The following VOPP1 variants were observed in gnomAD, a reference collection of about 807,000 sequenced individuals.
VOPP1 encodes WW domain binding protein VOPP1.
VOPP1 carries 8 observed loss-of-function variants against 23.5 expected under a neutral mutation model. That is an observed-to-expected ratio of 0.34 (90% CI 0.20 to 0.61). VOPP1 has a LOEUF of 0.61. Ranked by LOEUF, VOPP1 falls within the 20% of genes least tolerant of loss-of-function variation. The pLI is 0.78. For synonymous variants in VOPP1, 83 were observed against 97.3 expected (o/e 0.85, Z 0.86); for missense variants, 174 against 238.1 (o/e 0.73, Z 1.77).
chr7:55,553,318 A>G (rs1797688238), intron 1 of VOPP1, among the ~76,000 whole-genome samples: 1 of 152,184 alleles, frequency 6.6e-6, no homozygotes, highest in South Asian at 2.1e-4. Context: ...CTACTTTTGC[A>G]GTACTTGGGA....
rs10669665 is a variant in VOPP1 at position 55,534,131 on chromosome 7, C to CTTT, written c.55-13004_55-13002dup. Among the ~76,000 whole-genome samples, 176 of 140,142 alleles carry CTTT rather than the reference C, an allele frequency of 1.3e-3. 6 individuals are homozygous for CTTT. The South Asian group carries it at 0.021, about 17-fold the overall frequency. 91.9% of individuals were successfully genotyped at this position (140,142 alleles called of 152,430 possible). A position where few individuals can be genotyped will look rare whatever the true frequency, so the allele number is the denominator to read the frequency against. ...CCGTGAAGGAAATCATTTCATGTAG[C>CTTT]TTTTTTTTTTTTTTTACGAGATGGA... On this transcript the variant is annotated intron_variant, in intron 1 of 4. Coordinates refer to ENST00000285279, the MANE Select transcript of VOPP1 (RefSeq NM_030796.5).
intron 1 of VOPP1, among the ~76,000 whole-genome samples, chr7:55,564,847 G>A (rs1032151004): frequency 1.3e-5 from 2 of 152,096 alleles, no homozygotes; most frequent in Admixed American, 6.6e-5. Flanking sequence ...TATGTCAGTG[G>A]GAGCTTAGGT....
intron 2 of VOPP1, among the ~76,000 whole-genome samples, chr7:55,502,523 G>A (rs981067488): frequency 2.0e-5 from 3 of 152,166 alleles, no homozygotes; most frequent in Non-Finnish European, 2.9e-5. Flanking sequence ...CCAGCTACTC[G>A]AAGGAGCACA....
chr7:55,524,418 T>C lies in VOPP1; in HGVS notation c.55-3288A>G, dbSNP rs139978089. Among the ~76,000 whole-genome samples, 8 of 152,354 alleles carry C rather than the reference T, an allele frequency of 5.3e-5. No homozygotes were observed. In the East Asian group the frequency reaches 1.5e-3, roughly 29 times the overall value. ...TTTTGTTGCTGCTGAAATTAGTGTG[T>C]TTGAAATTTGCTAATATCCTGGAAA... On this transcript the variant is annotated intron_variant, in intron 1 of 4. Transcript: ENST00000285279.
chr7:55,507,797 T>C (rs1351589293), intron 2 of VOPP1, among the ~76,000 whole-genome samples: 1 of 152,104 alleles, frequency 6.6e-6, no homozygotes, highest in Non-Finnish European at 1.5e-5. Context: ...TGTGGTCCCA[T>C]TTTGATGATG....
At chr7:55,546,678 T>C (rs1797378544) in intron 1 of VOPP1, among the ~76,000 whole-genome samples, 1 of 152,208 alleles carries the variant, frequency 6.6e-6, no homozygotes, top group Non-Finnish European at 1.5e-5. Context: ...TAAAAGTTGA[T>C]TTAAAAAATA....
At chr7:55,507,200 C>A (rs1172435565) in intron 2 of VOPP1, among the ~76,000 whole-genome samples, 1 of 152,200 alleles carries the variant, frequency 6.6e-6, no homozygotes, top group East Asian at 1.9e-4. Context: ...GCTCTCAGCA[C>A]AGGCTCACGT....
At chr7:55,524,210 G>T (rs1422651272) in intron 1 of VOPP1, among the ~76,000 whole-genome samples, 2 of 152,196 alleles carry the variant, frequency 1.3e-5, no homozygotes, top group African/African-American at 4.8e-5. Context: ...GGTTACCCTT[G>T]CTCAGTTACT....
chr7:55,534,521 A>G (rs948043355), intron 1 of VOPP1, among the ~76,000 whole-genome samples: 4 of 152,026 alleles, frequency 2.6e-5, no homozygotes, highest in African/African-American at 9.7e-5. Flanking sequence ...CTTTCCCCCA[A>G]CTGGGTTTCT....
intron 4 of VOPP1, among the ~76,000 whole-genome samples, chr7:55,475,371 C>T (rs759154390): frequency 2.5e-4 from 38 of 152,186 alleles, no homozygotes; most frequent in Admixed American, 5.9e-4. Flanking sequence ...ACAGGTTTGG[C>T]GGAGCGGTGG....
intron 1 of VOPP1, among the ~76,000 whole-genome samples, chr7:55,540,675 C>A (rs145683030): frequency 6.6e-6 from 1 of 152,208 alleles, no homozygotes; most frequent in Non-Finnish European, 1.5e-5. Flanking sequence ...CCAGACACCA[C>A]GGGCGCTGCC....
intron 1 of VOPP1, among the ~76,000 whole-genome samples, chr7:55,568,081 C>CTTTTT (rs60284804): frequency 6.4e-5 from 8 of 124,040 alleles, no homozygotes; most frequent in African/African-American, 1.2e-4. Context: ...ACAACTATTC[C>CTTTTT]TTTTTTTTTT....
chr7:55,452,802 T>C (rs1017653218), intron 4 of VOPP1, among the ~76,000 whole-genome samples: 1 of 152,230 alleles, frequency 6.6e-6, no homozygotes, highest in East Asian at 1.9e-4. Context: ...TGTGTTGTCA[T>C]CCAAGCTTTG....
At chr7:55,537,258 G>A (rs1321579923) in intron 1 of VOPP1, among the ~76,000 whole-genome samples, 2 of 152,100 alleles carry the variant, frequency 1.3e-5, no homozygotes, top group African/African-American at 4.8e-5. Context: ...CACCCACAGC[G>A]TGCAGCAACA....
At chr7:55,523,066 A>G (rs950166579) in intron 1 of VOPP1, among the ~76,000 whole-genome samples, 1 of 152,158 alleles carries the variant, frequency 6.6e-6, no homozygotes, top group East Asian at 1.9e-4. Context: ...TGGGTCACAC[A>G]GCTTCTTTGT....
intron 2 of VOPP1, among the ~76,000 whole-genome samples, chr7:55,507,332 G>A (rs1221171312): frequency 6.6e-6 from 1 of 152,168 alleles, no homozygotes; most frequent in Non-Finnish European, 1.5e-5. Context: ...TCTTGCCTGT[G>A]ACTCTTTTCT....
intron 4 of VOPP1, among the ~76,000 whole-genome samples, chr7:55,438,298 AT>A (rs1790881468): frequency 6.6e-6 from 1 of 152,116 alleles, no homozygotes; most frequent in South Asian, 2.1e-4. Flanking sequence ...AGCACCAGAC[AT>A]TACGGAGGCA....
intron 2 of VOPP1, among the ~76,000 whole-genome samples, chr7:55,518,887 G>A (rs1260058561): frequency 1.3e-5 from 2 of 152,212 alleles, no homozygotes; most frequent in East Asian, 1.9e-4. Flanking sequence ...AGAAGAGGCT[G>A]AAAGGAGACT....
intron 2 of VOPP1, among the ~76,000 whole-genome samples, chr7:55,520,468 T>C (rs867837009): frequency 4.6e-5 from 7 of 152,008 alleles, no homozygotes; most frequent in Non-Finnish European, 1.0e-4. Context: ...ACAGCAGATA[T>C]TACAAACACA....
Sources: gnomAD v4.1 joint callset for allele counts (sites outside exome capture counted in the v4.1 genomes callset) on GRCh38, gnomAD v4.1.1 for gene constraint, MANE v1.5 for transcripts, NCBI Gene and HGNC (gene_info 2026-07-23, HGNC 2026-07-21) for gene names.